The following NRXN3 variants were observed in gnomAD, a reference collection of about 807,000 sequenced individuals.
NRXN3 encodes the protein neurexin III.
Under a neutral mutation model 137.6 loss-of-function variants are expected in NRXN3, and 32 were observed. That is an observed-to-expected ratio of 0.23 (90% confidence interval 0.18 to 0.31). The LOEUF (loss-of-function observed/expected upper bound fraction) is 0.31, where lower values mean the gene tolerates loss of function less well. Among genes scored for constraint, NRXN3 ranks in the 10% least tolerant of loss-of-function variants. The pLI is 1.00. For missense variants in NRXN3, 1,574 were observed against 2,062.5 expected (o/e 0.76, Z 4.59); for synonymous variants, 798 against 784.5 (o/e 1.02, Z -0.29).
At chr14:78,876,865 G>A (rs919524797) in intron 10 of NRXN3, among the ~76,000 whole-genome samples, 5 of 152,144 alleles carry the variant, frequency 3.3e-5, no homozygotes, top group African/African-American at 1.2e-4. Flanking sequence ...ATAAATGTTA[G>A]CTATTATTAC....
At chr14:79,096,762 C>T (rs1417593622) in intron 15 of NRXN3, among the ~76,000 whole-genome samples, 1 of 152,076 alleles carries the variant, frequency 6.6e-6, no homozygotes, top group African/African-American at 2.4e-5. Flanking sequence ...CCAACAGATC[C>T]CAATCACCCT....
chr14:78,498,222 A>G (rs527681386), intron 4 of NRXN3, among the ~76,000 whole-genome samples: 2 of 152,326 alleles, frequency 1.3e-5, no homozygotes, highest in South Asian at 4.1e-4. Context: ...TGGGAGTGTC[A>G]CTGGTGCAGT....
intron 1 of NRXN3, among the ~76,000 whole-genome samples, chr14:78,203,186 A>C (rs1349102664): frequency 6.6e-6 from 1 of 152,196 alleles, no homozygotes; most frequent in Non-Finnish European, 1.5e-5. Flanking sequence ...GTTACTGTGC[A>C]GATGTGAAGT....
intron 16 of NRXN3, among the ~76,000 whole-genome samples, chr14:79,492,769 A>G (rs981818054): frequency 2.6e-5 from 4 of 152,198 alleles, no homozygotes; most frequent in African/African-American, 9.6e-5. Flanking sequence ...TCAGAAGATT[A>G]CTTTTGACTT....
intron 19 of NRXN3, among the ~76,000 whole-genome samples, chr14:79,732,492 C>G (rs565452944): frequency 1.3e-5 from 2 of 152,164 alleles, no homozygotes; most frequent in Admixed American, 1.3e-4. Flanking sequence ...AAGGCCAGTC[C>G]TGTTAGGCAA....
At chr14:79,674,292 T>C (rs1054834212) in intron 17 of NRXN3, among the ~76,000 whole-genome samples, 15 of 151,956 alleles carry the variant, frequency 9.9e-5, no homozygotes, top group Non-Finnish European at 1.9e-4. Context: ...TGAGGGATGA[T>C]TGATAGGCAA....
chr14:78,249,101 A>G (rs1310493532), intron 2 of NRXN3, among the ~76,000 whole-genome samples: 1 of 152,130 alleles, frequency 6.6e-6, no homozygotes, highest in Non-Finnish European at 1.5e-5. Flanking sequence ...AATTTTTTAA[A>G]ATCTCCCCCC....
At chr14:78,361,387 T>G (rs1234369308) in intron 4 of NRXN3, among the ~76,000 whole-genome samples, 1 of 152,230 alleles carries the variant, frequency 6.6e-6, no homozygotes, top group Non-Finnish European at 1.5e-5. Context: ...GAACAAGCCC[T>G]GTATCTGTTG....
At chr14:78,584,970 T>C (rs2097046672) in intron 4 of NRXN3, among the ~76,000 whole-genome samples, 2 of 152,210 alleles carry the variant, frequency 1.3e-5, no homozygotes, top group Admixed American at 6.5e-5. Flanking sequence ...ATAACAGGCA[T>C]AGCATTAGCT....
At chr14:79,607,673 A>ATTT (rs10714829) in intron 16 of NRXN3, among the ~76,000 whole-genome samples, 8 of 141,614 alleles carry the variant, frequency 5.6e-5, no homozygotes, top group South Asian at 2.3e-4. Context: ...TTAATCTACA[A>ATTT]TTTTTTTTTT....
intron 15 of NRXN3, among the ~76,000 whole-genome samples, chr14:79,026,211 C>T (rs2099597768): frequency 6.6e-6 from 1 of 152,076 alleles, no homozygotes; most frequent in East Asian, 1.9e-4. Flanking sequence ...ATATAATGCT[C>T]CATTCTTTTA....
At chr14:79,075,486 A>G (rs947599201) in intron 15 of NRXN3, among the ~76,000 whole-genome samples, 3 of 152,182 alleles carry the variant, frequency 2.0e-5, no homozygotes, top group Non-Finnish European at 2.9e-5. Context: ...AAGAATGTGG[A>G]TAGGATTTTT....
At chr14:79,067,171 A>G (rs1340417336) in intron 15 of NRXN3, among the ~76,000 whole-genome samples, 1 of 152,164 alleles carries the variant, frequency 6.6e-6, no homozygotes, top group East Asian at 1.9e-4. Context: ...AATTTTAAAC[A>G]TGAAGGGATG....
chr14:79,298,613 C>T (rs978690164), intron 15 of NRXN3, among the ~76,000 whole-genome samples: 2 of 152,024 alleles, frequency 1.3e-5, no homozygotes, highest in Non-Finnish European at 1.5e-5. Context: ...TAAGAAGCAA[C>T]GTAATCTCAT....
At chr14:78,505,068 C>T (rs1017007021) in intron 4 of NRXN3, among the ~76,000 whole-genome samples, 1 of 152,114 alleles carries the variant, frequency 6.6e-6, no homozygotes, top group Non-Finnish European at 1.5e-5. Flanking sequence ...CATATGCTGA[C>T]ACATTTTATC....
In NRXN3 at chr14:78,751,927, C is replaced by T. The variant is rs78337750; in HGVS notation, c.2044+36788C>T. 3.4e-3 allele frequency among the ~76,000 whole-genome samples: 523 copies of T among 152,222 alleles called. 14 individuals carry two copies. In the East Asian group the frequency reaches 0.058, roughly 17 times the overall value. On this transcript the variant is annotated intron_variant, in intron 8 of 20. Coordinates refer to ENST00000335750, the MANE Select transcript of NRXN3 (RefSeq NM_001330195.2). ...CGGCAAAGCATGAGAAGCACTGAACCAGGAAATGGATAGAGGAGTGGATCC... is the reference window on the plus strand; with the variant it reads ...CGGCAAAGCATGAGAAGCACTGAACTAGGAAATGGATAGAGGAGTGGATCC...
At chr14:79,284,282 G>GAGGTCA (rs2081812036) in intron 15 of NRXN3, among the ~76,000 whole-genome samples, 1 of 144,572 alleles carries the variant, frequency 6.9e-6, no homozygotes, top group South Asian at 2.2e-4. Context: ...GGGATCACCT[G>GAGGTCA]AGGTCAAGAG....
chr14:78,286,999 A>G (rs2075250869), intron 3 of NRXN3, among the ~76,000 whole-genome samples: 1 of 152,224 alleles, frequency 6.6e-6, no homozygotes, highest in Non-Finnish European at 1.5e-5. Flanking sequence ...GATTATTGAG[A>G]GCAGTGGTCT....
intron 15 of NRXN3, among the ~76,000 whole-genome samples, chr14:79,180,290 A>G (rs533326109): frequency 6.6e-6 from 1 of 152,348 alleles, no homozygotes; most frequent in African/African-American, 2.4e-5. Context: ...AACCTGCTTT[A>G]TAGTGATAAA....
Sources: gnomAD v4.1 joint callset for allele counts (sites outside exome capture counted in the v4.1 genomes callset) on GRCh38, gnomAD v4.1.1 for gene constraint, MANE v1.5 for transcripts, NCBI Gene and HGNC (gene_info 2026-07-23, HGNC 2026-07-21) for gene names.